The following MARK3 variants were observed in gnomAD, a reference collection of about 807,000 sequenced individuals.
MARK3 encodes microtubule affinity regulating kinase 3.
In MARK3, 46 loss-of-function variants were observed where a neutral mutation model predicts 90.1. That is an observed-to-expected ratio of 0.51 (90% CI 0.40 to 0.65). The LOEUF (loss-of-function observed/expected upper bound fraction) is 0.65, where lower values mean the gene tolerates loss of function less well. Among genes scored for constraint, MARK3 ranks in the 30% least tolerant of loss-of-function variants. The probability of loss-of-function intolerance (pLI) is 0.00; values close to 1 mark genes in which losing one functional copy is unlikely to be tolerated. For missense variants in MARK3, 818 were observed against 947.2 expected (o/e 0.86, Z 1.79); for synonymous variants, 321 against 332.6 (o/e 0.97, Z 0.38).
chr14:103,421,875 G>A (rs1294988082), intron 2 of MARK3, among the ~76,000 whole-genome samples: 1 of 151,990 alleles, frequency 6.6e-6, no homozygotes, highest in African/African-American at 2.4e-5. Flanking sequence ...TCCTCATTAT[G>A]GTTATGAAAA....
At chr14:103,397,805 T>C (rs1287920191) in intron 1 of MARK3, among the ~76,000 whole-genome samples, 1 of 152,210 alleles carries the variant, frequency 6.6e-6, no homozygotes, top group Admixed American at 6.5e-5. Context: ...TCCCCCTTCC[T>C]ATTCATATTC....
At chr14:103,469,354 G>T (rs1258597668) in intron 12 of MARK3, 2 of 151,776 alleles carry the variant, frequency 1.3e-5, no homozygotes, top group Admixed American at 6.6e-5. Context: ...GCTAATTTTT[G>T]TATTTTTAAT....
chr14:103,462,337 C>A, intron 6 of MARK3, 68 bp from the exon 7 acceptor site: 1 of 1,174,382 alleles, frequency 8.5e-7, no homozygotes, highest in Non-Finnish European at 1.3e-6. Context: ...TGAACATTAA[C>A]AAAGTTATTT....
intron 3 of MARK3, among the ~76,000 whole-genome samples, chr14:103,436,222 A>C (rs1341051431): frequency 1.3e-5 from 2 of 151,962 alleles, no homozygotes; most frequent in African/African-American, 4.8e-5. Flanking sequence ...CCCTTCCCCA[A>C]ATATTCTAAG....
rs544592783 is a variant in MARK3, at chr14:103,464,145, TCTC to T, written c.541-1409_541-1407del. ...TTGTCTCAGGACAGCTGCTTATCATTCTCCTTCTTCCCTTCTAAACTGTGAGCT... is the reference window on the plus strand; with the variant it reads ...TTGTCTCAGGACAGCTGCTTATCATTCTTCTTCCCTTCTAAACTGTGAGCT... On this transcript the variant is annotated intron_variant, in intron 7 of 17. Transcript: ENST00000429436. 7.9e-5 allele frequency among the ~76,000 whole-genome samples: 12 copies of T among 152,278 alleles called. No homozygotes were observed. The South Asian group carries it at 2.3e-3, about 29-fold the overall frequency.
chr14:103,409,471 A>T (rs2091507513), intron 2 of MARK3, among the ~76,000 whole-genome samples: 4 of 141,844 alleles, frequency 2.8e-5, no homozygotes, highest in Admixed American at 7.0e-5. Flanking sequence ...AAAAAGGAAA[A>T]ACTTTGAACA....
intron 13 of MARK3, among the ~76,000 whole-genome samples, chr14:103,476,326 G>A (rs904862427): frequency 2.0e-5 from 3 of 152,192 alleles, no homozygotes; most frequent in East Asian, 1.9e-4. Context: ...TCTTCAAAGA[G>A]CTCTAATGAT....
chr14:103,478,362 G>GC (rs1244679033), intron 13 of MARK3, among the ~76,000 whole-genome samples: 7 of 123,768 alleles, frequency 5.7e-5, no homozygotes, highest in Non-Finnish European at 1.0e-4. Context: ...TCTCCCCTCT[G>GC]CCCCCCTCCC....
chr14:103,488,916 T>C (rs1426530048), intron 14 of MARK3, among the ~76,000 whole-genome samples: 1 of 152,214 alleles, frequency 6.6e-6, no homozygotes, highest in Non-Finnish European at 1.5e-5. Context: ...CTGCTTTATG[T>C]TGGGGCTATC....
At chr14:103,447,843 A>T (rs990665820) in intron 3 of MARK3, among the ~76,000 whole-genome samples, 1 of 151,960 alleles carries the variant, frequency 6.6e-6, no homozygotes, top group Non-Finnish European at 1.5e-5. Context: ...TGACGCCATC[A>T]GCTCTCTGCA....
At chr14:103,491,056 C>G (rs749845419) in intron 14 of MARK3, 7 of 1,288,030 alleles carry the variant, frequency 5.4e-6, no homozygotes, top group Non-Finnish European at 7.1e-6. Flanking sequence ...TCTGGGCACC[C>G]CAAGATGATG....
chr14:103,499,506 T>C (rs1162968800), intron 16 of MARK3: 6 of 152,146 alleles, frequency 3.9e-5, no homozygotes, highest in Admixed American at 1.3e-4. Context: ...ACCAAAAATA[T>C]TGCTTTCTTA....
chr14:103,442,301 C>T (rs888551045), intron 3 of MARK3, among the ~76,000 whole-genome samples: 3 of 150,798 alleles, frequency 2.0e-5, no homozygotes, highest in East Asian at 1.9e-4. Context: ...ACCCGGGGGG[C>T]GGAGCTTGCA....
chr14:103,496,788 G>T (rs1416538760), intron 15 of MARK3, among the ~76,000 whole-genome samples: 5 of 152,130 alleles, frequency 3.3e-5, no homozygotes, highest in African/African-American at 1.2e-4. Flanking sequence ...CAGTAATCCT[G>T]ACACTTTGGG....
At chr14:103,494,563 A>G (rs1458192866) in intron 15 of MARK3, among the ~76,000 whole-genome samples, 2 of 151,668 alleles carry the variant, frequency 1.3e-5, no homozygotes, top group Non-Finnish European at 2.9e-5. Context: ...AAAAAAAAAA[A>G]AAGACTAGCA....
At chr14:103,403,172 T>C (rs2091065725) in intron 1 of MARK3, among the ~76,000 whole-genome samples, 1 of 152,186 alleles carries the variant, frequency 6.6e-6, no homozygotes, top group Non-Finnish European at 1.5e-5. Flanking sequence ...ATGTTTACAT[T>C]GCAAAAAGCT....
At chr14:103,471,600 C>A (rs2093626069) in intron 12 of MARK3, among the ~76,000 whole-genome samples, 1 of 152,106 alleles carries the variant, frequency 6.6e-6, no homozygotes, top group African/African-American at 2.4e-5. Context: ...CTCGTCTCAC[C>A]TCTCCCTTCC....
At chr14:103,435,863 C>T (rs1327867766) in intron 3 of MARK3, among the ~76,000 whole-genome samples, 7 of 151,836 alleles carry the variant, frequency 4.6e-5, no homozygotes, top group Non-Finnish European at 5.9e-5. Context: ...GGACTATAGG[C>T]GCGCACCACC....
At chr14:103,391,945 A>G (rs143372836) in intron 1 of MARK3, among the ~76,000 whole-genome samples, 2 of 152,106 alleles carry the variant, frequency 1.3e-5, no homozygotes, top group African/African-American at 4.8e-5. Context: ...TCCTTTTTCT[A>G]TACTGGCAAA....
Sources: gnomAD v4.1 joint callset for allele counts (sites outside exome capture counted in the v4.1 genomes callset) on GRCh38, gnomAD v4.1.1 for gene constraint, MANE v1.5 for transcripts, NCBI Gene and HGNC (gene_info 2026-07-23, HGNC 2026-07-21) for gene names.